Variants in KLHL29 observed in about 807,000 individuals in gnomAD.
The protein encoded by KLHL29 is kelch like family member 29, also known as kelch-like protein 29.
Under a neutral mutation model 80.4 loss-of-function variants are expected in KLHL29, and 21 were observed. The observed-to-expected ratio is 0.26, with a 90% CI of 0.19 to 0.38. The LOEUF is 0.38. Among genes scored for constraint, KLHL29 ranks in the 10% least tolerant of loss-of-function variants. The pLI is 1.00. For synonymous variants in KLHL29, 511 were observed against 526.8 expected (o/e 0.97, Z 0.41); for missense variants, 867 against 1,223.9 (o/e 0.71, Z 4.35).
intron 3 of KLHL29, among the ~76,000 whole-genome samples, chr2:23,637,854 A>C (rs1669658740): frequency 6.6e-6 from 1 of 152,058 alleles, no homozygotes; most frequent in Non-Finnish European, 1.5e-5. Flanking sequence ...AGAGGCCTGC[A>C]GATGCCCCGG....
rs990652407 is a variant in KLHL29, at chr2:23,457,397, C to T, written c.-153-18163C>T. Reference sequence around the variant, plus strand: ...AGAGGTTCTTAATTCTTTCCTTCATCTTCCTCTCCTTTGATTCTGATCCAT... The same window carrying T: ...AGAGGTTCTTAATTCTTTCCTTCATTTTCCTCTCCTTTGATTCTGATCCAT... On this transcript the variant is annotated intron_variant, in intron 1 of 13. Transcript: ENST00000486442. The surrounding 1 kb of genome is among the most constrained non-coding windows in gnomAD (Gnocchi z 4.3). 2.6e-5 allele frequency among the ~76,000 whole-genome samples: 4 copies of T among 152,198 alleles called. No homozygotes were observed. The highest frequency in any genetic ancestry group is 9.7e-5 in the African/African-American group (4 of 41,442).
At position 23,442,226 on chromosome 2, in the gene KLHL29, G is replaced by C. The variant is rs184341308; in HGVS notation, c.-153-33334G>C. On this transcript the variant is annotated intron_variant, in intron 1 of 13. Coordinates refer to ENST00000486442, the MANE Select transcript of KLHL29 (RefSeq NM_052920.2). ...CCACCTCAGCCTTCCAAGTAGCTGA[G>C]ACCACAGACTTGTGCCACCATGCCC... 1.2e-4 allele frequency among the ~76,000 whole-genome samples: 18 copies of C among 152,182 alleles called. No individual in the cohort carries two copies. In the East Asian group the frequency reaches 3.1e-3, roughly 26 times the overall value.
chr2:23,577,487 C>G (rs1342961144), intron 3 of KLHL29, among the ~76,000 whole-genome samples: 1 of 151,576 alleles, frequency 6.6e-6, no homozygotes, highest in Admixed American at 6.6e-5. Flanking sequence ...TGGCTCACAC[C>G]TGTAATCTCA....
chr2:23,696,616 C>T lies in KLHL29; in HGVS notation c.2105+103C>T. 2 of 938,988 alleles carry T rather than the reference C, an allele frequency of 2.1e-6. No individual in the cohort carries two copies. The highest frequency in any genetic ancestry group is 3.2e-6 in the Non-Finnish European group (2 of 632,382). The allele number at this position is 938,988 out of a possible 1,614,324, so 58.2% of individuals were successfully genotyped here. A position where few individuals can be genotyped will look rare whatever the true frequency, so the allele number is the denominator to read the frequency against. ...CAACACCCACTCAGTGGCGATGGAG[C>T]AGAGCCTGGACCATTCATATGGGCA... On this transcript the variant is annotated intron_variant, in intron 11 of 13. Transcript: ENST00000486442. This position sits in a 1 kb window ranked among gnomAD's most constrained non-coding sequence, Gnocchi z 5.5.
At chr2:23,601,422 G>A (rs923517729) in intron 3 of KLHL29, among the ~76,000 whole-genome samples, 27 of 152,162 alleles carry the variant, frequency 1.8e-4, no homozygotes, top group African/African-American at 5.8e-4. Context: ...AGTAATTTAC[G>A]TGGTCATAAG....
At chr2:23,416,427 A>T (rs1336206552) in intron 1 of KLHL29, among the ~76,000 whole-genome samples, 2 of 152,136 alleles carry the variant, frequency 1.3e-5, no homozygotes, top group African/African-American at 4.8e-5. Context: ...CATCTAGCAA[A>T]AGGCAAGTGA....
At chr2:23,541,765 C>CCA (rs1553336830) in intron 2 of KLHL29, among the ~76,000 whole-genome samples, 58 of 139,890 alleles carry the variant, frequency 4.1e-4, no homozygotes, top group Admixed American at 1.4e-4. Context: ...AAGCCCAACC[C>CCA]AAAAAACAAA....
intron 3 of KLHL29, among the ~76,000 whole-genome samples, chr2:23,564,647 G>T: frequency 6.6e-6 from 1 of 152,230 alleles, no homozygotes; most frequent in Non-Finnish European, 1.5e-5. Flanking sequence ...CCACCCAGAG[G>T]CCTGTCCCCT....
Position 23,688,807 on chromosome 2 carries a change from C to G in KLHL29, c.1080-2867C>G, listed in dbSNP as rs1671399305. 4 of 152,324 alleles carry G rather than the reference C, an allele frequency of 2.6e-5. No individual in the cohort carries two copies. In the South Asian group the frequency reaches 8.3e-4, roughly 32 times the overall value. The allele number at this position is 152,324 out of a possible 1,614,324, so 9.4% of individuals were successfully genotyped here. A position where few individuals can be genotyped will look rare whatever the true frequency, so the allele number is the denominator to read the frequency against. On this transcript the variant is annotated intron_variant, in intron 6 of 13. Coordinates refer to ENST00000486442, the MANE Select transcript of KLHL29 (RefSeq NM_052920.2). The stretch of plus-strand genomic sequence containing the variant: ...CCTGATGGGCCAGCAGCACCCCAAG[C>G]CATTCACTCCATGGGGCCCGGTAGG...
intron 2 of KLHL29, among the ~76,000 whole-genome samples, chr2:23,496,648 T>A (rs777500627): frequency 6.6e-6 from 1 of 152,188 alleles, no homozygotes; most frequent in Non-Finnish European, 1.5e-5. Context: ...GGCCTCCAGA[T>A]TTGCAAGAGG....
chr2:23,660,552 C>T (rs537713535), intron 5 of KLHL29, among the ~76,000 whole-genome samples: 32 of 152,330 alleles, frequency 2.1e-4, no homozygotes, highest in Non-Finnish European at 4.4e-4. Context: ...ACACTCTGTC[C>T]CAACAAGAGT....
chr2:23,651,455 C>T (rs551483716), intron 5 of KLHL29, among the ~76,000 whole-genome samples: 15 of 152,286 alleles, frequency 9.8e-5, no homozygotes, highest in South Asian at 4.2e-4. Flanking sequence ...CACACAATGC[C>T]GGTGTGTATT....
At chr2:23,646,381 G>A (rs1296700799) in intron 5 of KLHL29, among the ~76,000 whole-genome samples, 6 of 152,332 alleles carry the variant, frequency 3.9e-5, no homozygotes, top group Admixed American at 2.6e-4. Flanking sequence ...GGATGTATGG[G>A]GACCTTTTAA....
chr2:23,411,318 G>A (rs747569438), intron 1 of KLHL29, among the ~76,000 whole-genome samples: 2 of 151,606 alleles, frequency 1.3e-5, no homozygotes, highest in Admixed American at 1.3e-4. Context: ...CAGAGGAAGT[G>A]TTGTGGGAAT....
chr2:23,404,322 G>T (rs939926099), intron 1 of KLHL29, among the ~76,000 whole-genome samples: 1 of 152,098 alleles, frequency 6.6e-6, no homozygotes, highest in East Asian at 1.9e-4. Flanking sequence ...TTAGAAAGGA[G>T]AATAATTATC....
chr2:23,676,995 A>C (rs2149181151), intron 5 of KLHL29, among the ~76,000 whole-genome samples: 1 of 152,334 alleles, frequency 6.6e-6, no homozygotes. Flanking sequence ...CCACGGCCCA[A>C]GCTGGCAGCC....
intron 5 of KLHL29, among the ~76,000 whole-genome samples, chr2:23,661,959 G>A (rs532223797): frequency 1.1e-4 from 17 of 152,350 alleles, no homozygotes; most frequent in Admixed American, 5.9e-4. Flanking sequence ...TGTATCCAGC[G>A]CTTGGCACAT....
At chr2:23,662,977 C>T (rs930876008) in intron 5 of KLHL29, among the ~76,000 whole-genome samples, 1 of 152,222 alleles carries the variant, frequency 6.6e-6, no homozygotes, top group African/African-American at 2.4e-5. Context: ...TGACTCTCTG[C>T]GCCTCATTTT....
intron 3 of KLHL29, among the ~76,000 whole-genome samples, chr2:23,631,473 A>G (rs1006779203): frequency 6.6e-6 from 1 of 152,124 alleles, no homozygotes; most frequent in African/African-American, 2.4e-5. Flanking sequence ...TCAATTTAAC[A>G]CATCATTGGT....
Sources: allele counts gnomAD v4.1 joint callset (sites outside exome capture counted in the v4.1 genomes callset), GRCh38; gene constraint gnomAD v4.1.1; non-coding constraint Gnocchi (gnomAD v3.1); transcripts MANE v1.5; gene names NCBI Gene and HGNC (gene_info 2026-07-23, HGNC 2026-07-21).